Variants in ARFGEF3 observed in about 807,000 individuals in gnomAD.
ARFGEF3 encodes ARFGEF family member 3, also known as brefeldin A-inhibited guanine nucleotide-exchange protein 3.
Under a neutral mutation model 221.7 loss-of-function variants are expected in ARFGEF3, and 96 were observed. That is an observed-to-expected ratio of 0.43 (90% CI 0.37 to 0.51). The LOEUF is 0.51. Ranked by LOEUF, ARFGEF3 falls within the 20% of genes least tolerant of loss-of-function variation. The pLI is 0.00. For missense variants in ARFGEF3, 2,410 were observed against 2,789.9 expected (o/e 0.86, Z 3.07); for synonymous variants, 1,145 against 1,126.8 (o/e 1.02, Z -0.32).
chr6:138,314,003 C>A (rs569553544), intron 26 of ARFGEF3, 64 bp downstream of exon 26: 2 of 1,532,906 alleles, frequency 1.3e-6, no homozygotes, highest in African/African-American at 2.7e-5. Flanking sequence ...AAGCTTAAGT[C>A]ATAAATGAAG....
intron 1 of ARFGEF3, among the ~76,000 whole-genome samples, chr6:138,167,730 C>T (rs1452334185): frequency 6.6e-6 from 1 of 152,232 alleles, no homozygotes; most frequent in African/African-American, 2.4e-5. Context: ...TGAACTTCTG[C>T]AACACCCTCT....
rs145628864 is a variant in ARFGEF3 at position 138,299,861 on chromosome 6, T to A, written c.3828+1076T>A. Among the ~76,000 whole-genome samples, 671 of 152,224 alleles carry A rather than the reference T, an allele frequency of 4.4e-3. 6 individuals carry two copies. Among genetic ancestry groups the A allele is most frequent in the African/African-American group, 0.015 (629 of 41,524 alleles). On this transcript the variant is annotated intron_variant, in intron 22 of 33. Coordinates refer to ENST00000251691, the MANE Select transcript of ARFGEF3 (RefSeq NM_020340.5). ...ATGGAAAGTTTTTTAAAAAGAGCAC[T>A]CCAGGATTTATTATTACAACCTAGC...
chr6:138,230,020 C>T (rs185259466), intron 5 of ARFGEF3, among the ~76,000 whole-genome samples, 168 bp downstream of exon 5: 115 of 152,194 alleles, frequency 7.6e-4, no homozygotes, highest in Middle Eastern at 3.4e-3. Context: ...CTGTGTGGTG[C>T]GCCATCCTTA....
In ARFGEF3 at chr6:138,313,805, A is replaced by C. The variant is rs1779872064; in HGVS notation, c.4211A>C (p.Lys1404Thr). ...YLRRCSQLLA[K>T]IYKMPLKPIF... is the part of the protein sequence containing the mutation. Reference sequence around the variant, plus strand: ...TTTATTTTAATTTAGTTATTGGCCAAAATCTACAAAATGCCCTTGAAGCCA... The same window carrying C: ...TTTATTTTAATTTAGTTATTGGCCACAATCTACAAAATGCCCTTGAAGCCA... Residue 1404 changes from lysine (K) to threonine (T), a missense_variant, in exon 26 of 34, where the codon AAA becomes ACA. By Grantham distance (78) the Lys-to-Thr change is moderately conservative. Around this residue, in one of 5 missense-constraint regions of ARFGEF3, gnomAD observed 723 missense variants for 991.9 expected, o/e 0.73. Coordinates refer to ENST00000251691, the MANE Select transcript of ARFGEF3 (RefSeq NM_020340.5). 1.9e-6 allele frequency: 3 copies of C among 1,613,726 alleles called. No homozygotes were observed. Among genetic ancestry groups the C allele is most frequent in the Non-Finnish European group, 2.5e-6 (3 of 1,179,758 alleles).
At chr6:138,307,456 G>T in intron 23 of ARFGEF3, 59 bp downstream of exon 23, 6 of 1,498,864 alleles carry the variant, frequency 4.0e-6, no homozygotes, top group Non-Finnish European at 5.5e-6. Context: ...CAAGTTTCAT[G>T]CTATTAAAAA....
At chr6:138,328,284 A>G in intron 32 of ARFGEF3, 142 bp downstream of exon 32, 1 of 1,082,214 alleles carries the variant, frequency 9.2e-7, no homozygotes, top group Non-Finnish European at 1.3e-6. Flanking sequence ...TTTCATAAAA[A>G]CTGTTAGCCT....
At chr6:138,238,743 C>T in intron 6 of ARFGEF3, 112 bp downstream of exon 6, 2 of 981,004 alleles carry the variant, frequency 2.0e-6, no homozygotes, top group Non-Finnish European at 1.5e-6. Context: ...GTAGGAAGAG[C>T]TTGCTTGTTT....
intron 1 of ARFGEF3, among the ~76,000 whole-genome samples, chr6:138,163,999 T>C (rs1423977828): frequency 6.6e-6 from 1 of 152,204 alleles, no homozygotes; most frequent in Admixed American, 6.5e-5. Context: ...GGTTCCTTCT[T>C]TCCGTCGCTT....
At chr6:138,325,396 T>C (rs1018192727) in intron 31 of ARFGEF3, among the ~76,000 whole-genome samples, 5 of 152,234 alleles carry the variant, frequency 3.3e-5, no homozygotes, top group African/African-American at 1.2e-4. Flanking sequence ...ACCTTCTACC[T>C]TCAGTTTCTC....
At chr6:138,182,842 ATT>A (rs1046599451) in intron 2 of ARFGEF3, among the ~76,000 whole-genome samples, 1 of 152,202 alleles carries the variant, frequency 6.6e-6, no homozygotes, top group African/African-American at 2.4e-5. Flanking sequence ...GATAGGGCTC[ATT>A]TTTAGGCCTA....
Position 138,186,902 on chromosome 6 carries a change from CTTTTTTTTTTTTTTTT to C in ARFGEF3, c.137+16204_137+16219del, listed in dbSNP as rs71693484. Among the ~76,000 whole-genome samples the C allele has an allele frequency of 9.4e-3, 719 of 76,188 alleles. 5 individuals carry two copies. The highest frequency in any genetic ancestry group is 0.037 in the African/African-American group (685 of 18,738). 50.0% of individuals were successfully genotyped at this position (76,188 alleles called of 152,430 possible). ...ACGAGTTATTCCTCTCATCCTTTTT[CTTTTTTTTTTTTTTTT>C]TTTTTTTTTTTTTTGAGACAGAGTT... On this transcript the variant is annotated intron_variant, in intron 2 of 33. Coordinates refer to ENST00000251691, the MANE Select transcript of ARFGEF3 (RefSeq NM_020340.5).
At chr6:138,170,060 C>A (rs1437188579) in intron 1 of ARFGEF3, among the ~76,000 whole-genome samples, 1 of 152,150 alleles carries the variant, frequency 6.6e-6, no homozygotes, top group Non-Finnish European at 1.5e-5. Context: ...TTCATTATCT[C>A]TAAAATTGGA....
At chr6:138,259,305 C>A (rs1412005026) in intron 10 of ARFGEF3, among the ~76,000 whole-genome samples, 1 of 152,234 alleles carries the variant, frequency 6.6e-6, no homozygotes, top group Non-Finnish European at 1.5e-5. Context: ...TGTCACTCTG[C>A]CATATGCACT....
In ARFGEF3 at chr6:138,334,707, G is replaced by A; in HGVS notation, c.5861G>A (p.Gly1954Asp). Residue 1954 changes from glycine (G) to aspartate (D), a missense_variant, in exon 33 of 34, where the codon GGC (glycine) becomes GAC (aspartate). Gly to Asp is a moderately conservative substitution (Grantham distance 94). Transcript: ENST00000251691. This position sits in a 1 kb window ranked among gnomAD's most constrained non-coding sequence, Gnocchi z 5.1. ...QSESSTPSTGGFSGKETPSED... is the reference protein window; with the variant it reads ...QSESSTPSTGDFSGKETPSED... ...GAGTCATCCACCCCATCCACCGGGGGCTTCTCTGGGAAAGAAACCCCTTCC... is the reference window on the plus strand; with the variant it reads ...GAGTCATCCACCCCATCCACCGGGGACTTCTCTGGGAAAGAAACCCCTTCC... The A allele has an allele frequency of 6.2e-7, 1 of 1,610,318 alleles. No individual in the cohort carries two copies. Among genetic ancestry groups the A allele is most frequent in the Non-Finnish European group, 8.5e-7 (1 of 1,177,110 alleles).
Position 138,334,237 on chromosome 6 carries a change from G to A in ARFGEF3, c.5391G>A (p.Val1797=), listed in dbSNP as rs1443644462. 6.2e-7 allele frequency: 1 copy of A among 1,613,708 alleles called. No individual in the cohort carries two copies. The highest frequency in any genetic ancestry group is 2.2e-5 in the East Asian group (1 of 44,864). ...SPGLKCLLKK[V]SGIGGAANLY... ...GGCTGAAGTGCCTGCTGAAGAAAGT[G>A]TCTGGCATCGGGGGCGCCGCCAACC... The change falls in exon 33 of 34, where the codon GTG becomes GTA. Residue 1797 remains valine, a synonymous_variant. Coordinates refer to ENST00000251691, the MANE Select transcript of ARFGEF3 (RefSeq NM_020340.5). The surrounding 1 kb of genome is among the most constrained non-coding windows in gnomAD (Gnocchi z 5.1).
chr6:138,209,749 A>T (rs1348433959), intron 3 of ARFGEF3, among the ~76,000 whole-genome samples, 161 bp from the exon 4 acceptor site: 2 of 151,996 alleles, frequency 1.3e-5, no homozygotes, highest in Non-Finnish European at 2.9e-5. Context: ...CCCTGGCCGC[A>T]TTTTTCTTTT....
At chr6:138,293,118 A>G (rs1483103282) in intron 19 of ARFGEF3, among the ~76,000 whole-genome samples, 2 of 152,324 alleles carry the variant, frequency 1.3e-5, no homozygotes, top group East Asian at 1.9e-4. Context: ...AGAAGGACTC[A>G]TGATTCCATT....
chr6:138,220,304 A>G (rs1461642581), intron 4 of ARFGEF3, among the ~76,000 whole-genome samples: 2 of 152,042 alleles, frequency 1.3e-5, no homozygotes, highest in Non-Finnish European at 2.9e-5. Context: ...CAGCCAACCT[A>G]TTTCTTGCTT....
At position 138,342,549 on chromosome 6, in the gene ARFGEF3, TATTTAGAAAC is replaced by T. The variant is rs1293947159; in HGVS notation, c.*6067_*6076del. 6.6e-6 allele frequency: 1 copy of T among 152,226 alleles called. No homozygotes were observed. Among genetic ancestry groups the T allele is most frequent in the African/African-American group, 2.4e-5 (1 of 41,444 alleles). 9.4% of individuals were successfully genotyped at this position (152,226 alleles called of 1,614,324 possible). A position where few individuals can be genotyped will look rare whatever the true frequency, so the allele number is the denominator to read the frequency against. On this transcript the variant is annotated 3_prime_UTR_variant, in exon 34 of 34. Coordinates refer to ENST00000251691, the MANE Select transcript of ARFGEF3 (RefSeq NM_020340.5). ...GATAAATCTAAGCTTCTTGTCTTTG[TATTTAGAAAC>T]ATTGATTCTATGGATGATCATTTGT...
Sources: allele counts gnomAD v4.1 joint callset (sites outside exome capture counted in the v4.1 genomes callset), GRCh38; gene constraint gnomAD v4.1.1; regional missense constraint gnomAD v4.1.1; non-coding constraint Gnocchi (gnomAD v3.1); transcripts MANE v1.5; gene names NCBI Gene and HGNC (gene_info 2026-07-23, HGNC 2026-07-21).